The following RBFOX1 variants were observed in gnomAD, a reference collection of about 807,000 sequenced individuals.
The protein encoded by RBFOX1 is RNA binding protein fox-1 homolog 1.
A neutral mutation model predicts 57.7 loss-of-function variants in RBFOX1; 8 were observed. The ratio of observed to expected loss-of-function variants is 0.14; its 90% CI spans 0.08 to 0.25. The LOEUF is 0.25. Among genes scored for constraint, RBFOX1 ranks in the 10% least tolerant of loss-of-function variants. The pLI, the probability that RBFOX1 is intolerant of heterozygous loss-of-function variation, is 1.00. For synonymous variants in RBFOX1, 326 were observed against 222.4 expected, an observed-to-expected ratio of 1.47 and a Z score of -4.15; for missense variants, 611 against 548.5, an observed-to-expected ratio of 1.11 and a Z score of -1.14.
At chr16:6,816,312 C>G (rs76843901) in intron 3 of RBFOX1, among the ~76,000 whole-genome samples, 152 of 152,126 alleles carry the variant, frequency 1.0e-3, no homozygotes, top group African/African-American at 3.4e-3. Context: ...TTGTTGCAAT[C>G]AATCATTCAG....
chr16:5,962,817 G>GT (rs2059775075), intron 4 of RBFOX1, among the ~76,000 whole-genome samples: 6 of 110,266 alleles, frequency 5.4e-5, no homozygotes, highest in Non-Finnish European at 8.6e-5. Context: ...GTGAGGGTTT[G>GT]GTTTTTTTTT....
At chr16:6,429,197 A>G (rs1389149246) in intron 2 of RBFOX1, among the ~76,000 whole-genome samples, 1 of 152,176 alleles carries the variant, frequency 6.6e-6, no homozygotes, top group Non-Finnish European at 1.5e-5. Context: ...GCAAGTTCCA[A>G]ATGTTTGAAA....
intron 3 of RBFOX1, among the ~76,000 whole-genome samples, chr16:5,692,606 T>C (rs191415631): frequency 3.8e-4 from 58 of 152,294 alleles, no homozygotes; most frequent in African/African-American, 1.3e-3. Flanking sequence ...AGATTTGTTA[T>C]GCAGCAATAG....
intron 4 of RBFOX1, among the ~76,000 whole-genome samples, chr16:7,448,241 A>G (rs1172448600): frequency 6.6e-6 from 1 of 152,218 alleles, no homozygotes; most frequent in Non-Finnish European, 1.5e-5. Context: ...GTCGTAAATC[A>G]AGGTGTAGGC....
chr16:6,591,107 T>G (rs564269171), intron 2 of RBFOX1, among the ~76,000 whole-genome samples: 2 of 152,144 alleles, frequency 1.3e-5, no homozygotes, highest in African/African-American at 4.8e-5. Context: ...GATTTCTTTG[T>G]CTAAGAGTTC....
intron 3 of RBFOX1, among the ~76,000 whole-genome samples, chr16:6,796,698 C>G (rs561908578): frequency 1.3e-5 from 2 of 152,186 alleles, no homozygotes; most frequent in East Asian, 1.9e-4. Flanking sequence ...GTAAGAGATT[C>G]TTTTTTGATG....
chr16:6,366,451 C>G (rs560656205), intron 2 of RBFOX1, among the ~76,000 whole-genome samples: 8 of 152,044 alleles, frequency 5.3e-5, no homozygotes, highest in Non-Finnish European at 1.2e-4. Context: ...AGATATGAGA[C>G]AATGTTGAAC....
At chr16:6,422,370 G>C (rs2093799938) in intron 2 of RBFOX1, among the ~76,000 whole-genome samples, 1 of 151,974 alleles carries the variant, frequency 6.6e-6, no homozygotes, top group Non-Finnish European at 1.5e-5. Context: ...GTACCCAATA[G>C]GTAGTTCTTC....
intron 3 of RBFOX1, among the ~76,000 whole-genome samples, chr16:6,716,899 C>T (rs367927404): frequency 7.2e-5 from 11 of 152,116 alleles, no homozygotes; most frequent in African/African-American, 2.7e-4. Flanking sequence ...ATCCTAACTC[C>T]CAATGTGATG....
chr16:6,154,771 C>G (rs2096827092), intron 1 of RBFOX1, among the ~76,000 whole-genome samples: 1 of 152,152 alleles, frequency 6.6e-6, no homozygotes, highest in Non-Finnish European at 1.5e-5. Context: ...AAACGTCTTT[C>G]TCATTACTAA....
intron 4 of RBFOX1, among the ~76,000 whole-genome samples, chr16:7,368,073 C>G (rs2097494212): frequency 1.3e-5 from 2 of 151,996 alleles, no homozygotes; most frequent in African/African-American, 4.8e-5. Context: ...TTGAGACCAG[C>G]CTGGCCAACG....
intron 1 of RBFOX1, among the ~76,000 whole-genome samples, chr16:6,217,142 G>C (rs569831335): frequency 1.3e-5 from 2 of 149,334 alleles, no homozygotes; most frequent in Non-Finnish European, 3.0e-5. Context: ...CTGTGTATGA[G>C]GGTAGCCTCG....
intron 2 of RBFOX1, among the ~76,000 whole-genome samples, chr16:5,590,925 A>G (rs1381792328): frequency 1.3e-5 from 2 of 152,134 alleles, no homozygotes; most frequent in African/African-American, 2.4e-5. Context: ...TATTACCCCA[A>G]TGCCAGCATT....
At chr16:5,530,931 TATAAAAAAAAAAAAAAAAAAAAAAAA>T (rs2044444433) in intron 2 of RBFOX1, among the ~76,000 whole-genome samples, 20 of 88,116 alleles carry the variant, frequency 2.3e-4, no homozygotes, top group African/African-American at 6.1e-4. Flanking sequence ...CTACTAAAAA[TATAAAAAAAAAAAAAAAAAAAAAAAA>T]AAAAAAAAAA....
intron 3 of RBFOX1, among the ~76,000 whole-genome samples, chr16:5,739,325 C>T (rs1023621210): frequency 3.9e-5 from 6 of 152,224 alleles, no homozygotes; most frequent in African/African-American, 7.2e-5. Context: ...CTATGGGTAA[C>T]GTTCTGCGTA....
At chr16:7,474,972 T>C (rs2062341886) in intron 4 of RBFOX1, among the ~76,000 whole-genome samples, 1 of 152,196 alleles carries the variant, frequency 6.6e-6, no homozygotes, top group Non-Finnish European at 1.5e-5. Context: ...ATCTTTCCCT[T>C]TGATTTTTGA....
chr16:5,337,037 G>A (rs2064915418), intron 1 of RBFOX1, among the ~76,000 whole-genome samples: 1 of 152,332 alleles, frequency 6.6e-6, no homozygotes, highest in South Asian at 2.1e-4. Flanking sequence ...AATGGCAGCT[G>A]CACTCTTGGT....
At chr16:5,683,399 C>A (rs1443621862) in intron 3 of RBFOX1, among the ~76,000 whole-genome samples, 1 of 151,820 alleles carries the variant, frequency 6.6e-6, no homozygotes, top group Non-Finnish European at 1.5e-5. Context: ...TTGAGGCATA[C>A]AAAGTATTAG....
At chr16:6,040,101 G>C (rs909592261) in intron 1 of RBFOX1, among the ~76,000 whole-genome samples, 2 of 152,196 alleles carry the variant, frequency 1.3e-5, no homozygotes, top group Non-Finnish European at 2.9e-5. Context: ...TACAATTCAT[G>C]AACACACGTT....
Sources: gnomAD v4.1 joint callset for allele counts (sites outside exome capture counted in the v4.1 genomes callset) on GRCh38, gnomAD v4.1.1 for gene constraint, MANE v1.5 for transcripts, NCBI Gene and HGNC (gene_info 2026-07-23, HGNC 2026-07-21) for gene names.